ZNF75A: variants seen among roughly 807,000 people sequenced by gnomAD.
The protein encoded by ZNF75A is zinc finger protein 75A.
ZNF75A carries 36 observed loss-of-function variants against 46.3 expected under a neutral mutation model. The ratio of observed to expected loss-of-function variants is 0.78; its 90% CI spans 0.60 to 1.03. The LOEUF (loss-of-function observed/expected upper bound fraction) is 1.03. ZNF75A is among the 50% of genes least tolerant of loss of function. The pLI, the probability that ZNF75A is intolerant of heterozygous loss-of-function variation, is 0.00. For synonymous variants in ZNF75A, 234 were observed against 189.9 expected, an observed-to-expected ratio of 1.23 and a Z score of -1.91; for missense variants, 595 against 551.3, an observed-to-expected ratio of 1.08 and a Z score of -0.79.
At chr16:3,317,163 G>T (rs1961276939) in intron 6 of ZNF75A, 27 bp from the exon 7 acceptor site, 1 of 1,582,486 alleles carries the variant, frequency 6.3e-7, no homozygotes, top group Non-Finnish European at 8.6e-7. Flanking sequence ...CTGGGATACA[G>T]ATGTGTGATT....
intron 5 of ZNF75A, chr16:3,316,134 A>G (rs1181012638): frequency 3.3e-5 from 5 of 152,330 alleles, no homozygotes; most frequent in African/African-American, 9.6e-5. Context: ...TTTTCTTTAA[A>G]ACATTTATCA....
rs1455671563 is a variant in ZNF75A at position 3,314,829 on chromosome 16, CA to C, written c.823+1656del. 11 of 985,246 alleles carry C rather than the reference CA, an allele frequency of 1.1e-5. No homozygotes were observed. The African/African-American group carries it at 1.9e-4, about 17-fold the overall frequency. The allele number at this position is 985,246 out of a possible 1,614,324, so 61.0% of individuals were successfully genotyped here. On this transcript the variant is annotated intron_variant, in intron 5 of 6. Transcript: ENST00000669516. ...TGGATTACACTCAGAAGGCCCTCTA[CA>C]ATGATGTAATGCAGGAAAACTGTAA...
At chr16:3,310,631 C>G (rs1326136281) in intron 2 of ZNF75A, 13 of 977,402 alleles carry the variant, frequency 1.3e-5, no homozygotes, top group Non-Finnish European at 1.6e-5. Flanking sequence ...CGTCTCAAAA[C>G]AAAACAAACA....
In ZNF75A at chr16:3,313,316, T is replaced by A. The variant is rs1319465239; in HGVS notation, c.823+141T>A. 3.8e-6 allele frequency: 3 copies of A among 780,302 alleles called. No homozygotes were observed. In the African/African-American group the frequency reaches 5.3e-5, roughly 14 times the overall value. 48.3% of individuals were successfully genotyped at this position (780,302 alleles called of 1,614,324 possible). Reference sequence around the variant, plus strand: ...GGTATAGGGGAGGGTGTAGGTAGTGTATCCAGATCACCTGTGGAGCTTTTT... The same window carrying A: ...GGTATAGGGGAGGGTGTAGGTAGTGAATCCAGATCACCTGTGGAGCTTTTT... On this transcript the variant is annotated intron_variant, in intron 5 of 6. Transcript: ENST00000669516.
downstream of ZNF75A, among the ~76,000 whole-genome samples, chr16:3,321,973 A>T (rs918322435): frequency 6.6e-6 from 1 of 152,046 alleles, no homozygotes; most frequent in African/African-American, 2.4e-5. Flanking sequence ...TTCATAAAGG[A>T]TTTTCCAAAT....
downstream of ZNF75A, among the ~76,000 whole-genome samples, chr16:3,320,348 T>G (rs544494896): frequency 1.8e-4 from 27 of 152,362 alleles, no homozygotes; most frequent in Admixed American, 1.2e-3. Flanking sequence ...CTGGCCAACC[T>G]GGCCTATCTT....
chr16:3,311,090 A>C, intron 2 of ZNF75A: 1 of 401,272 alleles, frequency 2.5e-6, no homozygotes, highest in Non-Finnish European at 3.4e-6. Flanking sequence ...ACAGAAAACC[A>C]CAACTGTGGG....
At chr16:3,320,433 C>A (rs180903277), downstream of ZNF75A, among the ~76,000 whole-genome samples, 229 of 152,252 alleles carry the variant, frequency 1.5e-3, 1 homozygote, top group African/African-American at 5.1e-3. Flanking sequence ...TTTCATTCTG[C>A]CTAGCCTTTG....
chr16:3,308,734 G>A lies in ZNF75A; in HGVS notation c.306G>A (p.Arg102=), dbSNP rs1330343011. 8 of 990,600 alleles carry A rather than the reference G, an allele frequency of 8.1e-6. No individual in the cohort carries two copies. Among genetic ancestry groups the A allele is most frequent in the Non-Finnish European group, 9.6e-6 (8 of 832,150 alleles). 61.4% of individuals were successfully genotyped at this position (990,600 alleles called of 1,614,324 possible). Reference sequence around the variant, plus strand: ...AGCAGTTCCTGACTATTCTGCCCAGGGAGACACAGACCCAGATGCAGAAGC... The same window carrying A: ...AGCAGTTCCTGACTATTCTGCCCAGAGAGACACAGACCCAGATGCAGAAGC... ...VLEQFLTILP[R]ETQTQMQKHH... Residue 102 remains arginine (R), a synonymous_variant, in exon 2 of 7, where the codon AGG becomes AGA. Coordinates refer to ENST00000669516, the MANE Select transcript of ZNF75A (RefSeq NM_001302109.2).
chr16:3,305,635 C>G lies in ZNF75A; in HGVS notation c.-125C>G, dbSNP rs1005558069. On this transcript the variant is annotated 5_prime_UTR_variant, in exon 1 of 7. Transcript: ENST00000669516. Reference sequence around the variant, plus strand: ...AGGAGCGGCCTCCACGGAAGCCAAGCTGGCCGAGGTAACCGAGAAGCGGCT... The same window carrying G: ...AGGAGCGGCCTCCACGGAAGCCAAGGTGGCCGAGGTAACCGAGAAGCGGCT... The G allele has an allele frequency of 6.6e-6, 1 of 152,260 alleles. No homozygotes were observed. Among genetic ancestry groups the G allele is most frequent in the African/African-American group, 2.4e-5 (1 of 41,472 alleles). 9.4% of individuals were successfully genotyped at this position (152,260 alleles called of 1,614,324 possible).
chr16:3,317,872 A>G lies in ZNF75A; in HGVS notation c.*3A>G. 6.3e-7 allele frequency: 1 copy of G among 1,598,522 alleles called. No homozygotes were observed. Among genetic ancestry groups the G allele is most frequent in the Non-Finnish European group, 8.5e-7 (1 of 1,171,940 alleles). ...GACACCAGAAACTCCACCTGTGAAG[A>G]GAAGCTTGTCCAGTGTCCTCATTCT... On this transcript the variant is annotated 3_prime_UTR_variant, in exon 7 of 7. Coordinates refer to ENST00000669516, the MANE Select transcript of ZNF75A (RefSeq NM_001302109.2).
At position 3,308,596 on chromosome 16, in the gene ZNF75A, T is replaced by C; in HGVS notation, c.168T>C (p.Tyr56=). Residue 56 remains tyrosine (Y), a synonymous_variant, in exon 2 of 7, where the codon TAT becomes TAC. Transcript: ENST00000669516. ...SSCWHFRNFT[Y]DEAGGPREAV... ...GCTGGCACTTCCGGAATTTCACCTA[T>C]GATGAAGCAGGTGGACCCCGTGAGG... is the stretch of plus-strand genomic sequence containing the variant. The C allele has an allele frequency of 1.0e-6, 1 of 986,062 alleles. No homozygotes were observed. The highest frequency in any genetic ancestry group is 5.2e-4 in the Middle Eastern group (1 of 1,916). The allele number at this position is 986,062 out of a possible 1,614,324, so 61.1% of individuals were successfully genotyped here.
chr16:3,317,071 G>C, intron 6 of ZNF75A, 49 bp downstream of exon 6: 3 of 1,561,722 alleles, frequency 1.9e-6, no homozygotes, highest in Non-Finnish European at 2.6e-6. Context: ...GTGAACTTTT[G>C]CAAGGGCTTA....
At position 3,310,599 on chromosome 16, in the gene ZNF75A, C is replaced by T. The variant is rs1385801272; in HGVS notation, c.409-1154C>T. The T allele has an allele frequency of 5.6e-5, 50 of 897,018 alleles. No homozygotes were observed. The Admixed American group carries it at 3.1e-3, about 56-fold the overall frequency. The allele number at this position is 897,018 out of a possible 1,614,324, so 55.6% of individuals were successfully genotyped here. ...CATGATTGTACCACTGTACCCCAGC[C>T]TGGGTGACAGAGTGAGACCCCCGTC... On this transcript the variant is annotated intron_variant, in intron 2 of 6. Coordinates refer to ENST00000669516, the MANE Select transcript of ZNF75A (RefSeq NM_001302109.2).
In ZNF75A at chr16:3,311,748, T is replaced by A; in HGVS notation, c.409-5T>A. 1 of 1,049,370 alleles carries A rather than the reference T, an allele frequency of 9.5e-7. No individual in the cohort carries two copies. Among genetic ancestry groups the A allele is most frequent in the Non-Finnish European group, 1.2e-6 (1 of 862,584 alleles). 65.0% of individuals were successfully genotyped at this position (1,049,370 alleles called of 1,614,324 possible). A position where few individuals can be genotyped will look rare whatever the true frequency, so the allele number is the denominator to read the frequency against. ...TGTGGTAACAAGGATGGGAATTATTTCTAGGTTGCAGTCCATGAGCTGGGA... is the reference window on the plus strand; with the variant it reads ...TGTGGTAACAAGGATGGGAATTATTACTAGGTTGCAGTCCATGAGCTGGGA... On this transcript the variant is annotated splice_region_variant and splice_polypyrimidine_tract_variant and intron_variant, in intron 2 of 6. Coordinates refer to ENST00000669516, the MANE Select transcript of ZNF75A (RefSeq NM_001302109.2).
At chr16:3,309,687 T>G (rs1596390124) in intron 2 of ZNF75A, among the ~76,000 whole-genome samples, 1 of 132,184 alleles carries the variant, frequency 7.6e-6, no homozygotes, top group African/African-American at 3.0e-5. Context: ...GCCCAGGAGG[T>G]GGAGGTTGCA....
At chr16:3,319,818 C>G (rs1183148832), downstream of ZNF75A, among the ~76,000 whole-genome samples, 3 of 138,178 alleles carry the variant, frequency 2.2e-5, no homozygotes, top group Non-Finnish European at 3.1e-5. Context: ...TATTTTTTTG[C>G]TGGTACAAGG....
downstream of ZNF75A, among the ~76,000 whole-genome samples, chr16:3,320,141 G>A (rs1278793723): frequency 6.6e-6 from 1 of 152,102 alleles, no homozygotes; most frequent in East Asian, 1.9e-4. Flanking sequence ...CGCCTCCTGG[G>A]TTCATGCCAT....
Position 3,308,471 on chromosome 16 carries a change from C to G in ZNF75A, c.43C>G (p.Gln15Glu). 2 of 985,868 alleles carry G rather than the reference C, an allele frequency of 2.0e-6. No homozygotes were observed. The highest frequency in any genetic ancestry group is 2.4e-6 in the Non-Finnish European group (2 of 829,958). 61.1% of individuals were successfully genotyped at this position (985,868 alleles called of 1,614,324 possible). Residue 15 changes from glutamine (Q) to glutamate (E), a missense_variant, in exon 2 of 7, where the codon CAG becomes GAG. Coordinates refer to ENST00000669516, the MANE Select transcript of ZNF75A (RefSeq NM_001302109.2). ...GAAAGTGGCTGCGTACTTGGACCCT[C>G]AGATCAGGGCTTTGTGGGAGACCAA... ...DLKVAAYLDPQIRALWETKGP... is the reference protein window; with the variant it reads ...DLKVAAYLDPEIRALWETKGP...
Sources: gnomAD v4.1 joint callset for allele counts (sites outside exome capture counted in the v4.1 genomes callset) on GRCh38, gnomAD v4.1.1 for gene constraint, MANE v1.5 for transcripts, NCBI Gene and HGNC (gene_info 2026-07-23, HGNC 2026-07-21) for gene names.